Variants in TMEM71 observed in about 807,000 individuals in gnomAD.
TMEM71 encodes the protein transmembrane protein 71.
Under a neutral mutation model 38.0 loss-of-function variants are expected in TMEM71, and 44 were observed. The observed-to-expected ratio is 1.16, with a 90% CI of 0.91 to 1.49. The LOEUF is 1.49. Ranked by LOEUF, TMEM71 falls within the 40% of genes most tolerant of loss-of-function variation. TMEM71 has a pLI of 0.00. For missense variants in TMEM71, 367 were observed against 348.6 expected, an observed-to-expected ratio of 1.05 and a Z score of -0.42; for synonymous variants, 133 against 122.5, an observed-to-expected ratio of 1.09 and a Z score of -0.56.
the TMEM71 span, chr8:132,775,406 A>AGGCGGCGGCGGCGGCGGC: frequency 7.8e-6 from 3 of 382,552 alleles, no homozygotes; most frequent in South Asian, 1.3e-4. Flanking sequence ...CCGGCGGCGG[A>AGGCGGCGGCGGCGGCGGC]GGCGGCGGCG....
intron 5 of TMEM71, among the ~76,000 whole-genome samples, chr8:132,733,362 C>G (rs1293838099): frequency 6.6e-6 from 1 of 152,132 alleles, no homozygotes; most frequent in Non-Finnish European, 1.5e-5. Flanking sequence ...TAACGTAGGC[C>G]TGTTATAACA....
downstream of TMEM71, among the ~76,000 whole-genome samples, chr8:132,708,600 A>C: frequency 6.6e-6 from 1 of 152,210 alleles, no homozygotes; most frequent in Non-Finnish European, 1.5e-5. Flanking sequence ...TGAAGCTTTC[A>C]CTGGGGAAGG....
At chr8:132,729,293 G>A (rs1413512440) in intron 5 of TMEM71, among the ~76,000 whole-genome samples, 1 of 152,116 alleles carries the variant, frequency 6.6e-6, no homozygotes, top group African/African-American at 2.4e-5. Context: ...TCAACCACAG[G>A]GATAGTTAAG....
At chr8:132,725,038 T>A (rs1178501449) in intron 6 of TMEM71, among the ~76,000 whole-genome samples, 1 of 121,746 alleles carries the variant, frequency 8.2e-6, no homozygotes, top group African/African-American at 3.1e-5. Flanking sequence ...TTTTCTTTTC[T>A]TTTTTTTCTT....
rs750698828 is a variant in TMEM71, at chr8:132,751,852, C to T, written c.247G>A (p.Asp83Asn). Residue 83 changes from aspartate (D) to asparagine (N), a missense_variant, in exon 4 of 10, where the codon GAC becomes AAC. Coordinates refer to ENST00000677595, the MANE Select transcript of TMEM71 (RefSeq NM_001382403.1). ...TTCAGAGTTATGTTGCCATCTTTGT[C>T]GCACAGGAAGCTGTCTTCAGTCCAA... Reference protein sequence around the residue: ...YIWTEDSFLCDKDGNITLNPS... With the variant: ...YIWTEDSFLCNKDGNITLNPS... The T allele has an allele frequency of 1.4e-5, 23 of 1,613,874 alleles. No homozygotes were observed. Among genetic ancestry groups the T allele is most frequent in the Admixed American group, 1.0e-4 (6 of 60,006 alleles).
chr8:132,714,277 T>C, intron 7 of TMEM71, 62 bp from the exon 8 acceptor site: 1 of 1,215,436 alleles, frequency 8.2e-7, no homozygotes, highest in Non-Finnish European at 1.2e-6. Flanking sequence ...CTGTGTGATT[T>C]TTTTAGACTT....
chr8:132,716,560 A>C (rs950927309), intron 7 of TMEM71, among the ~76,000 whole-genome samples: 1 of 152,242 alleles, frequency 6.6e-6, no homozygotes, highest in Non-Finnish European at 1.5e-5. Context: ...CATCTACATA[A>C]GTAATCTAGA....
At chr8:132,722,151 C>A in intron 6 of TMEM71, 36 bp from the exon 7 acceptor site, 1 of 1,465,136 alleles carries the variant, frequency 6.8e-7, no homozygotes, top group South Asian at 1.1e-5. Flanking sequence ...AATTAGAAAT[C>A]ATTGCTGATT....
At chr8:132,774,287 A>G in the TMEM71 span, among the ~76,000 whole-genome samples, 1 of 152,246 alleles carries the variant, frequency 6.6e-6, no homozygotes, top group Non-Finnish European at 1.5e-5. Flanking sequence ...CTGGGCAACC[A>G]AAAAACAAGA....
intron 5 of TMEM71, among the ~76,000 whole-genome samples, chr8:132,741,396 A>C (rs532345400): frequency 6.6e-6 from 1 of 152,234 alleles, no homozygotes; most frequent in East Asian, 1.9e-4. Flanking sequence ...ACAAAGAGAT[A>C]AAAGAAAAGA....
At chr8:132,764,798 T>C (rs1308525125), upstream of TMEM71, among the ~76,000 whole-genome samples, 2 of 152,248 alleles carry the variant, frequency 1.3e-5, no homozygotes, top group Non-Finnish European at 2.9e-5. Context: ...GCCAAGTTTC[T>C]GTCCATGTTG....
chr8:132,734,249 T>C (rs1177526415), intron 5 of TMEM71, among the ~76,000 whole-genome samples: 7 of 152,104 alleles, frequency 4.6e-5, no homozygotes, highest in Non-Finnish European at 1.0e-4. Context: ...ACCTTGATTG[T>C]GGTGATGGAA....
chr8:132,771,268 A>G, the TMEM71 span, among the ~76,000 whole-genome samples: 1 of 152,190 alleles, frequency 6.6e-6, no homozygotes, highest in African/African-American at 2.4e-5. Flanking sequence ...ATAATTATTA[A>G]TAGCCCTTCC....
At chr8:132,736,329 G>A (rs943047856) in intron 5 of TMEM71, among the ~76,000 whole-genome samples, 2 of 152,174 alleles carry the variant, frequency 1.3e-5, no homozygotes, top group African/African-American at 4.8e-5. Context: ...CACATTAGAG[G>A]TGAGCCTGAG....
intron 5 of TMEM71, among the ~76,000 whole-genome samples, chr8:132,737,997 C>G (rs906803262): frequency 6.6e-6 from 1 of 152,106 alleles, no homozygotes; most frequent in Admixed American, 6.5e-5. Flanking sequence ...AAATACAATT[C>G]ATTGTCTGTT....
intron 6 of TMEM71, among the ~76,000 whole-genome samples, chr8:132,722,350 A>G (rs1028786728): frequency 6.6e-6 from 1 of 152,224 alleles, no homozygotes; most frequent in African/African-American, 2.4e-5. Flanking sequence ...TATAAAATAA[A>G]AGACTATGCT....
intron 6 of TMEM71, among the ~76,000 whole-genome samples, chr8:132,723,344 A>T (rs1826955161): frequency 6.6e-6 from 1 of 152,244 alleles, no homozygotes; most frequent in Admixed American, 6.5e-5. Flanking sequence ...AACTGCAAAG[A>T]TCACTAGACT....
At chr8:132,759,619 CTGTTGACTA>C in intron 1 of TMEM71, among the ~76,000 whole-genome samples, 1 of 152,308 alleles carries the variant, frequency 6.6e-6, no homozygotes, top group African/African-American at 2.4e-5. Flanking sequence ...GAACCAACTT[CTGTTGACTA>C]TGAAACTTTG....
chr8:132,731,628 G>A (rs971399199), intron 5 of TMEM71, among the ~76,000 whole-genome samples: 2 of 152,168 alleles, frequency 1.3e-5, no homozygotes, highest in African/African-American at 4.8e-5. Context: ...GAGCTGAACA[G>A]GCATAGCAAG....
Sources: gnomAD v4.1 joint callset for allele counts (sites outside exome capture counted in the v4.1 genomes callset) on GRCh38, gnomAD v4.1.1 for gene constraint, MANE v1.5 for transcripts, NCBI Gene and HGNC (gene_info 2026-07-23, HGNC 2026-07-21) for gene names.